The following COBL variants were observed in gnomAD, a reference collection of about 807,000 sequenced individuals.
COBL encodes the protein cordon-bleu WH2 repeat protein.
A neutral mutation model predicts 98.8 loss-of-function variants in COBL; 51 were observed. The ratio of observed to expected loss-of-function variants is 0.52; its 90% CI spans 0.41 to 0.65. COBL has a LOEUF of 0.65. Among genes scored for constraint, COBL ranks in the 30% least tolerant of loss-of-function variants. The pLI, the probability that COBL is intolerant of heterozygous loss-of-function variation, is 0.00. For synonymous variants in COBL, 634 were observed against 651.7 expected (o/e 0.97, Z 0.41); for missense variants, 1,617 against 1,617.5 (o/e 1.00, Z 0.01).
At chr7:51,216,575 C>T (rs1793073388) in intron 2 of COBL, among the ~76,000 whole-genome samples, 1 of 152,116 alleles carries the variant, frequency 6.6e-6, no homozygotes, top group Non-Finnish European at 1.5e-5. Flanking sequence ...TAGGCCAGAA[C>T]ATTTCCCCTA....
intron 2 of COBL, among the ~76,000 whole-genome samples, chr7:51,198,083 T>G (rs1349076220): frequency 6.6e-6 from 1 of 152,222 alleles, no homozygotes; most frequent in Non-Finnish European, 1.5e-5. Context: ...TTTTGCAGAC[T>G]TGTTTAGTGG....
At chr7:51,165,042 A>G (rs114795533) in intron 5 of COBL, among the ~76,000 whole-genome samples, 2,342 of 152,100 alleles carry the variant, frequency 0.015, 66 homozygotes, top group African/African-American at 0.054. Flanking sequence ...AGAGAAAAAC[A>G]CCTTCACTAA....
chr7:51,120,237 T>C (rs1221187167), intron 6 of COBL, among the ~76,000 whole-genome samples: 1 of 152,098 alleles, frequency 6.6e-6, no homozygotes, highest in Non-Finnish European at 1.5e-5. Flanking sequence ...AGAAAATACA[T>C]GGAGAGGGAG....
chr7:51,266,998 G>C (rs555843387), intron 1 of COBL, among the ~76,000 whole-genome samples: 5 of 152,226 alleles, frequency 3.3e-5, no homozygotes, highest in African/African-American at 1.2e-4. Context: ...ATCATGGTCA[G>C]GATTTCCACA....
At chr7:51,043,107 T>C (rs1475254646) in intron 8 of COBL, among the ~76,000 whole-genome samples, 3 of 152,236 alleles carry the variant, frequency 2.0e-5, no homozygotes, top group East Asian at 1.9e-4. Flanking sequence ...GATATCATCA[T>C]GGATAAATCT....
chr7:51,195,742 TA>T (rs1358360328), intron 2 of COBL, among the ~76,000 whole-genome samples: 1 of 152,200 alleles, frequency 6.6e-6, no homozygotes, highest in Non-Finnish European at 1.5e-5. Context: ...AGGTATTTTA[TA>T]ATTTTTTTGT....
rs777875725 is a variant in COBL, at chr7:51,026,650, C to T, written c.3400G>A (p.Gly1134Arg). ...GACAGTTTCGCTGGCCTGCCCTCCC[C>T]GGTGTGTTCTGCCGTCTAGAATATT... ...DRLRKTAEHTGEGRPAKLSYT... is the reference protein window; with the variant it reads ...DRLRKTAEHTREGRPAKLSYT... Residue 1134 changes from glycine to arginine, a missense_variant, in exon 11 of 13, where the codon GGG (glycine) becomes AGG (arginine). Coordinates refer to ENST00000265136, the MANE Select transcript of COBL (RefSeq NM_015198.5). 432 of 1,613,864 alleles carry T rather than the reference C, an allele frequency of 2.7e-4. No homozygotes were observed. Among genetic ancestry groups the T allele is most frequent in the Non-Finnish European group, 3.5e-4 (409 of 1,179,994 alleles).
intron 12 of COBL, among the ~76,000 whole-genome samples, chr7:51,019,473 T>C (rs1402369796): frequency 6.6e-6 from 1 of 152,144 alleles, no homozygotes; most frequent in Non-Finnish European, 1.5e-5. Context: ...TAATCTAGAC[T>C]GAGGGAGGCT....
intron 7 of COBL, among the ~76,000 whole-genome samples, chr7:51,062,484 G>A (rs1791482995): frequency 6.6e-6 from 1 of 152,180 alleles, no homozygotes; most frequent in African/African-American, 2.4e-5. Flanking sequence ...GACTTGGAGA[G>A]AGGCTTCCAA....
chr7:51,172,554 A>T, intron 5 of COBL: 1 of 1,276,256 alleles, frequency 7.8e-7, no homozygotes, highest in Non-Finnish European at 1.0e-6. Flanking sequence ...ACCAGGCCAC[A>T]TCATCTCCAG....
intron 7 of COBL, among the ~76,000 whole-genome samples, chr7:51,052,643 T>C (rs1790354794): frequency 6.6e-6 from 1 of 152,212 alleles, no homozygotes; most frequent in South Asian, 2.1e-4. Context: ...TTTTATTTAA[T>C]CAATGCCTCA....
At chr7:51,107,697 C>T (rs185102864) in intron 6 of COBL, among the ~76,000 whole-genome samples, 127 of 152,264 alleles carry the variant, frequency 8.3e-4, no homozygotes, top group African/African-American at 2.8e-3. Flanking sequence ...CTCACCTCTC[C>T]GTACCCGGGC....
chr7:51,187,985 G>C, intron 4 of COBL: 1 of 1,232,330 alleles, frequency 8.1e-7, no homozygotes, highest in African/African-American at 1.5e-5. Context: ...ATGAGAGAGT[G>C]AGGTCCAGCT....
intron 1 of COBL, among the ~76,000 whole-genome samples, chr7:51,297,454 C>A (rs900171082): frequency 4.1e-4 from 56 of 137,692 alleles, no homozygotes; most frequent in Non-Finnish European, 1.2e-4. Flanking sequence ...TGCAATGGTG[C>A]GATCTCAGCT....
At chr7:51,194,947 T>C (rs1027733959) in intron 2 of COBL, among the ~76,000 whole-genome samples, 1 of 152,180 alleles carries the variant, frequency 6.6e-6, no homozygotes, top group South Asian at 2.1e-4. Context: ...TTGGAAAACA[T>C]TTTCTCCTAT....
chr7:51,061,946 TAGATACAC>T (rs755884152), intron 7 of COBL, among the ~76,000 whole-genome samples: 3 of 96,056 alleles, frequency 3.1e-5, no homozygotes, highest in Non-Finnish European at 5.0e-5. Flanking sequence ...CTCCCCACCA[TAGATACAC>T]ACACACACAC....
chr7:51,306,363 G>GC (rs1261863398), intron 1 of COBL, among the ~76,000 whole-genome samples: 2 of 152,170 alleles, frequency 1.3e-5, no homozygotes, highest in Non-Finnish European at 2.9e-5. Flanking sequence ...GCAGCTTGGA[G>GC]CAAGGGCTGT....
intron 5 of COBL, among the ~76,000 whole-genome samples, chr7:51,177,475 G>C (rs1383794629): frequency 6.6e-6 from 1 of 152,040 alleles, no homozygotes; most frequent in African/African-American, 2.4e-5. Flanking sequence ...TGCATTTTTG[G>C]TTTTAAAGAA....
chr7:51,118,473 C>T (rs1199099670), intron 6 of COBL, among the ~76,000 whole-genome samples: 1 of 151,986 alleles, frequency 6.6e-6, no homozygotes, highest in Non-Finnish European at 1.5e-5. Context: ...AGACAATCCT[C>T]GCATCCTAGG....
Sources: gnomAD v4.1 joint callset for allele counts (sites outside exome capture counted in the v4.1 genomes callset) on GRCh38, gnomAD v4.1.1 for gene constraint, MANE v1.5 for transcripts, NCBI Gene and HGNC (gene_info 2026-07-23, HGNC 2026-07-21) for gene names.